HRH2: variants seen among roughly 807,000 people sequenced by gnomAD.
The protein encoded by HRH2 is histamine receptor H2.
HRH2 carries 4 observed loss-of-function variants against 20.1 expected under a neutral mutation model. The observed-to-expected ratio is 0.20, with a 90% confidence interval of 0.10 to 0.45. The LOEUF is 0.45. HRH2 is among the 20% of genes least tolerant of loss of function. The pLI, the probability that HRH2 is intolerant of heterozygous loss-of-function variation, is 0.99. For missense variants in HRH2, 250 were observed against 461.6 expected, an observed-to-expected ratio of 0.54 and a Z score of 4.20; for synonymous variants, 197 against 200.7, an observed-to-expected ratio of 0.98 and a Z score of 0.16.
At chr5:175,685,708 T>C in intron 2 of HRH2, 1 of 591,510 alleles carries the variant, frequency 1.7e-6, no homozygotes, top group South Asian at 2.1e-5. Flanking sequence ...TCACCGGGCT[T>C]CCTACTTGCC....
At chr5:175,658,890 G>T (rs1473630634) in intron 1 of HRH2, among the ~76,000 whole-genome samples, 1 of 152,168 alleles carries the variant, frequency 6.6e-6, no homozygotes, top group Non-Finnish European at 1.5e-5. Flanking sequence ...CATGAACAGG[G>T]CCATGCTAAT....
chr5:175,695,537 A>T (rs922043642), intron 2 of HRH2, among the ~76,000 whole-genome samples: 1 of 152,170 alleles, frequency 6.6e-6, no homozygotes, highest in Admixed American at 6.5e-5. Context: ...TGTTTCTTTC[A>T]GATTATTTCC....
intron 2 of HRH2, among the ~76,000 whole-genome samples, chr5:175,684,875 G>C (rs1756114630): frequency 6.6e-6 from 1 of 152,182 alleles, no homozygotes; most frequent in Admixed American, 6.5e-5. Flanking sequence ...GAAGGCGGCT[G>C]AGTTTGGGCA....
At chr5:175,698,019 TCA>T (rs762293788) in intron 2 of HRH2, among the ~76,000 whole-genome samples, 6 of 152,222 alleles carry the variant, frequency 3.9e-5, no homozygotes, top group Non-Finnish European at 5.9e-5. Context: ...CCACCCACAC[TCA>T]CAGGCAACAC....
chr5:175,658,706 C>A (rs534837380), intron 1 of HRH2, among the ~76,000 whole-genome samples: 1 of 149,048 alleles, frequency 6.7e-6, no homozygotes, highest in South Asian at 2.1e-4. Context: ...GGCTGCCGCC[C>A]GCTGCCGGAT....
At position 175,708,265 on chromosome 5, in the gene HRH2, C is replaced by A; in HGVS notation, c.*294C>A. ...GGAGTCATGAGCAGAGACGGTGGGA[C>A]AGACGGGGATGCGTGCACATGTGTG... On this transcript the variant is annotated 3_prime_UTR_variant, in exon 3 of 3. Coordinates refer to ENST00000636584, the MANE Select transcript of HRH2 (RefSeq NM_001367711.1). The A allele has an allele frequency of 3.4e-6, 1 of 296,524 alleles. No individual in the cohort carries two copies. 18.4% of individuals were successfully genotyped at this position (296,524 alleles called of 1,614,324 possible).
At chr5:175,695,526 T>C (rs1756545548) in intron 2 of HRH2, among the ~76,000 whole-genome samples, 1 of 152,206 alleles carries the variant, frequency 6.6e-6, no homozygotes, top group Admixed American at 6.5e-5. Flanking sequence ...AGGGAACACT[T>C]TGTTTCTTTC....
At chr5:175,674,425 T>C (rs1755686482) in intron 1 of HRH2, among the ~76,000 whole-genome samples, 1 of 152,152 alleles carries the variant, frequency 6.6e-6, no homozygotes, top group African/African-American at 2.4e-5. Flanking sequence ...GCCAGGGTCC[T>C]TGCTTCAAGT....
intron 1 of HRH2, among the ~76,000 whole-genome samples, chr5:175,666,612 G>T (rs1762902825): frequency 6.6e-6 from 1 of 151,712 alleles, no homozygotes; most frequent in South Asian, 2.1e-4. Flanking sequence ...TATTTTTTTT[G>T]TAGAGACAAG....
chr5:175,670,250 T>C (rs533715238), intron 1 of HRH2, among the ~76,000 whole-genome samples: 3 of 152,116 alleles, frequency 2.0e-5, no homozygotes, highest in East Asian at 3.9e-4. Flanking sequence ...CTGGGCAACA[T>C]AGTGAGACCC....
chr5:175,680,058 C>T (rs533040441), intron 1 of HRH2, among the ~76,000 whole-genome samples: 1 of 152,292 alleles, frequency 6.6e-6, no homozygotes, highest in African/African-American at 2.4e-5. Context: ...TGCATGGTAT[C>T]GCTTTGCCCA....
At chr5:175,702,545 C>CTTTTT (rs1163403100) in intron 2 of HRH2, among the ~76,000 whole-genome samples, 27 of 86,084 alleles carry the variant, frequency 3.1e-4, no homozygotes, top group Non-Finnish European at 4.1e-4. Flanking sequence ...AGTATACCAT[C>CTTTTT]TTTTTTTTTT....
rs1348407426 is a variant in HRH2 at position 175,687,116 on chromosome 5, A to C, written c.1076+2807A>C. On this transcript the variant is annotated intron_variant, in intron 2 of 2. Transcript: ENST00000636584. This position sits in a 1 kb window ranked among gnomAD's most constrained non-coding sequence, Gnocchi z 5.2. ...TATGGTCTGTCCTCCAGCCCCCAGGAGCAGGGGCAGAGGGCTTTGGCAGAG... is the reference window on the plus strand; with the variant it reads ...TATGGTCTGTCCTCCAGCCCCCAGGCGCAGGGGCAGAGGGCTTTGGCAGAG... Among the ~76,000 whole-genome samples, 1 of 152,104 alleles carries C rather than the reference A, an allele frequency of 6.6e-6. No homozygotes were observed. The highest frequency in any genetic ancestry group is 6.5e-5 in the Admixed American group (1 of 15,274).
intron 2 of HRH2, among the ~76,000 whole-genome samples, chr5:175,697,270 T>C (rs990032264): frequency 6.6e-5 from 10 of 152,042 alleles, no homozygotes; most frequent in African/African-American, 1.9e-4. Flanking sequence ...GAGACCATCC[T>C]GGCTAACACG....
intron 1 of HRH2, among the ~76,000 whole-genome samples, chr5:175,680,620 G>A (rs903426585): frequency 6.6e-6 from 1 of 152,230 alleles, no homozygotes; most frequent in African/African-American, 2.4e-5. Flanking sequence ...CTTCCTCACA[G>A]GCAAAGAGAA....
At chr5:175,689,838 T>C (rs562067514) in intron 2 of HRH2, among the ~76,000 whole-genome samples, 12 of 152,294 alleles carry the variant, frequency 7.9e-5, no homozygotes, top group African/African-American at 2.4e-4. Flanking sequence ...AATCCGGAGT[T>C]CCCAACAACC....
chr5:175,659,205 A>T (rs1359891524), intron 1 of HRH2, among the ~76,000 whole-genome samples: 1 of 152,126 alleles, frequency 6.6e-6, no homozygotes, highest in Non-Finnish European at 1.5e-5. Flanking sequence ...CCTGTAAGAC[A>T]TGACGTCTCT....
chr5:175,658,245 C>T (rs1433825373), intron 1 of HRH2, 90 bp downstream of exon 1: 1 of 152,000 alleles, frequency 6.6e-6, no homozygotes, highest in Non-Finnish European at 1.5e-5. Context: ...GCGGAGCCGC[C>T]CGAGGGGCTG....
At chr5:175,696,890 G>A (rs996617945) in intron 2 of HRH2, among the ~76,000 whole-genome samples, 5 of 152,252 alleles carry the variant, frequency 3.3e-5, no homozygotes, top group African/African-American at 1.2e-4. Flanking sequence ...GAGCCGGGCC[G>A]CAGTGCAGCA....
Sources: gnomAD v4.1 joint callset for allele counts (sites outside exome capture counted in the v4.1 genomes callset) on GRCh38, gnomAD v4.1.1 for gene constraint, Gnocchi (gnomAD v3.1) non-coding constraint, MANE v1.5 for transcripts, NCBI Gene and HGNC (gene_info 2026-07-23, HGNC 2026-07-21) for gene names.